Variants in PPP1CA observed in about 807,000 individuals in gnomAD.
The protein encoded by PPP1CA is serine/threonine-protein phosphatase PP1-alpha catalytic subunit.
A neutral mutation model predicts 38.5 loss-of-function variants in PPP1CA; 14 were observed. That is an observed-to-expected ratio of 0.36 (90% CI 0.24 to 0.57). PPP1CA has a LOEUF of 0.57. PPP1CA is among the 20% of genes least tolerant of loss of function. The pLI, the probability that PPP1CA is intolerant of heterozygous loss-of-function variation, is 0.80. For synonymous variants in PPP1CA, 200 were observed against 177.3 expected (o/e 1.13, Z -1.02); for missense variants, 277 against 435.2 (o/e 0.64, Z 3.23).
intron 2 of PPP1CA, 53 bp downstream of exon 2, chr11:67,401,015 T>TG: frequency 6.2e-7 from 1 of 1,610,364 alleles, no homozygotes; most frequent in Admixed American, 1.7e-5. Context: ...AGGAACTCTG[T>TG]GGGGTCCAGT....
Position 67,398,569 on chromosome 11 carries a change from G to GTGA in PPP1CA, c.956_958dup (p.Ile319dup). On this transcript the variant is annotated inframe_insertion, in exon 7 of 7. Transcript: ENST00000376745. ...GGCTTTGGCGGAATTGCGGGGTGGG[G>GTGA]TGATGGGTCGGCCTCCAGGGTTCAG... 6.2e-7 allele frequency: 1 copy of GTGA among 1,614,096 alleles called. No individual in the cohort carries two copies. The highest frequency in any genetic ancestry group is 8.5e-7 in the Non-Finnish European group (1 of 1,179,988).
At chr11:67,400,668 C>G (rs759582381) in intron 3 of PPP1CA, 21 bp downstream of exon 3, 8 of 1,611,394 alleles carry the variant, frequency 5.0e-6, no homozygotes. Flanking sequence ...CCGGGCAGCC[C>G]CAGACGCTCA....
rs746488025 is a variant in PPP1CA, at chr11:67,399,523, G to A, written c.523+38C>T. The A allele has an allele frequency of 6.3e-6, 10 of 1,578,666 alleles. No homozygotes were observed. The Admixed American group carries it at 8.4e-5, about 13-fold the overall frequency. On this transcript the variant is annotated intron_variant, in intron 4 of 6. Transcript: ENST00000376745. Reference sequence around the variant, plus strand: ...AGAGCTGCCGGGTGCTGAGGGATGCGGCCAGTGCTCCTCCTCCCCAGCCAT... The same window carrying A: ...AGAGCTGCCGGGTGCTGAGGGATGCAGCCAGTGCTCCTCCTCCCCAGCCAT...
At chr11:67,401,648 G>A in intron 1 of PPP1CA, 80 bp downstream of exon 1, 2 of 1,193,966 alleles carry the variant, frequency 1.7e-6, no homozygotes, top group Non-Finnish European at 1.1e-6. Flanking sequence ...GCTGGCCCCG[G>A]GGGCCCGCCC....
rs991995974 is a variant in PPP1CA at position 67,401,627 on chromosome 11, G to A, written c.55+101C>T. 18 of 1,072,428 alleles carry A rather than the reference G, an allele frequency of 1.7e-5. No individual in the cohort carries two copies. The African/African-American group carries it at 3.0e-4, about 18-fold the overall frequency. 66.4% of individuals were successfully genotyped at this position (1,072,428 alleles called of 1,614,324 possible). A position where few individuals can be genotyped will look rare whatever the true frequency, so the allele number is the denominator to read the frequency against. Reference sequence around the variant, plus strand: ...CCACGGAACCTCGCTGCCCGTCCCCGCCCAGTCTAAGCTGGCCCCGGGGGC... The same window carrying A: ...CCACGGAACCTCGCTGCCCGTCCCCACCCAGTCTAAGCTGGCCCCGGGGGC... On this transcript the variant is annotated intron_variant, in intron 1 of 6. Coordinates refer to ENST00000376745, the MANE Select transcript of PPP1CA (RefSeq NM_002708.4).
rs868071002 is a variant in PPP1CA, at chr11:67,398,374, G to C, written c.*161C>G. ...AGGAAGCAGCCCTGGGGGACTGGAC[G>C]CTGCTATTGATTCATTAAAAAAAGA... On this transcript the variant is annotated 3_prime_UTR_variant, in exon 7 of 7. Transcript: ENST00000376745. The C allele has an allele frequency of 1.4e-6, 1 of 713,886 alleles. No individual in the cohort carries two copies. The highest frequency in any genetic ancestry group is 2.3e-6 in the Non-Finnish European group (1 of 441,292). The allele number at this position is 713,886 out of a possible 1,614,324, so 44.2% of individuals were successfully genotyped here. A position where few individuals can be genotyped will look rare whatever the true frequency, so the allele number is the denominator to read the frequency against.
intron 3 of PPP1CA, among the ~76,000 whole-genome samples, chr11:67,399,902 G>A (rs1296368449): frequency 1.3e-5 from 2 of 152,178 alleles, no homozygotes; most frequent in African/African-American, 2.4e-5. Context: ...TTGGGAGGCC[G>A]AGGCGGGCGG....
At chr11:67,400,104 T>G (rs1219811182) in intron 3 of PPP1CA, among the ~76,000 whole-genome samples, 1 of 152,170 alleles carries the variant, frequency 6.6e-6, no homozygotes, top group Non-Finnish European at 1.5e-5. Context: ...ACCATTGCAC[T>G]CTAGCCTGGG....
At chr11:67,401,351 G>A in intron 1 of PPP1CA, 152 bp from the exon 2 acceptor site, 2 of 1,333,398 alleles carry the variant, frequency 1.5e-6, no homozygotes, top group Admixed American at 2.3e-5. Context: ...CCGGGACCGC[G>A]GCCTCAAGCC....
rs1862800805 is a variant in PPP1CA at position 67,398,657 on chromosome 11, A to G, written c.883-12T>C. On this transcript the variant is annotated splice_polypyrimidine_tract_variant and intron_variant, in intron 6 of 6. Coordinates refer to ENST00000376745, the MANE Select transcript of PPP1CA (RefSeq NM_002708.4). ...GCGGGCTTGAGGATCTAAAAGAGAC[A>G]GTGTTGGTCAGGCTCATGGGGCTGA... 6.2e-7 allele frequency: 1 copy of G among 1,613,868 alleles called. No individual in the cohort carries two copies. The highest frequency in any genetic ancestry group is 1.7e-5 in the Admixed American group (1 of 60,004).
intron 3 of PPP1CA, 67 bp downstream of exon 3, chr11:67,400,622 A>T: frequency 6.9e-7 from 1 of 1,444,300 alleles, no homozygotes; most frequent in Non-Finnish European, 9.7e-7. Flanking sequence ...GCCAATGTGA[A>T]GGTCCCACTG....
At chr11:67,400,587 C>CG in intron 3 of PPP1CA, 102 bp downstream of exon 3, 2 of 1,182,486 alleles carry the variant, frequency 1.7e-6, no homozygotes, top group Non-Finnish European at 2.5e-6. Context: ...AGCGCACAGT[C>CG]TATCAAGTGT....
Position 67,398,647 on chromosome 11 carries a change from TA to T in PPP1CA, c.883-3del. On this transcript the variant is annotated splice_polypyrimidine_tract_variant and splice_region_variant and intron_variant, in intron 6 of 6. Transcript: ENST00000376745. ...GTTCTTGTCGGCGGGCTTGAGGATC[TA>T]AAAGAGACAGTGTTGGTCAGGCTCA... 1 of 1,614,030 alleles carries T rather than the reference TA, an allele frequency of 6.2e-7. No individual in the cohort carries two copies. Among genetic ancestry groups the T allele is most frequent in the South Asian group, 1.1e-5 (1 of 91,074 alleles).
Position 67,399,574 on chromosome 11 carries a change from G to T in PPP1CA, c.510C>A (p.Phe170Leu), listed in dbSNP as rs1397627501. The change falls in exon 4 of 7, where the codon TTC becomes TTA. Residue 170 changes from phenylalanine to leucine, a missense_variant. Phe to Leu is a conservative substitution (Grantham distance 22). Coordinates refer to ENST00000376745, the MANE Select transcript of PPP1CA (RefSeq NM_002708.4). ...PIAAIVDEKI[F>L]CCHGGLSPDL... Reference sequence around the variant, plus strand: ...CCCCTCCCTCACCTCCGTGGCAGCAGAAGATCTTTTCGTCCACTATGGCCG... The same window carrying T: ...CCCCTCCCTCACCTCCGTGGCAGCATAAGATCTTTTCGTCCACTATGGCCG... 6.2e-7 allele frequency: 1 copy of T among 1,613,938 alleles called. No homozygotes were observed. The highest frequency in any genetic ancestry group is 1.3e-5 in the African/African-American group (1 of 74,940).
chr11:67,401,148 C>T lies in PPP1CA; in HGVS notation c.107G>A (p.Arg36His). 6.2e-7 allele frequency: 1 copy of T among 1,613,976 alleles called. No individual in the cohort carries two copies. The highest frequency in any genetic ancestry group is 8.5e-7 in the Non-Finnish European group (1 of 1,180,004). ...KNVQLTENEI[R>H]GLCLKSREIF... Reference sequence around the variant, plus strand: ...CTCCCGGGATTTCAGGCACAGACCGCGGATCTCGTTCTCTGTCAGCTGTAC... The same window carrying T: ...CTCCCGGGATTTCAGGCACAGACCGTGGATCTCGTTCTCTGTCAGCTGTAC... The change falls in exon 2 of 7, where the codon CGC (arginine) becomes CAC (histidine). Residue 36 changes from arginine to histidine, a missense_variant. Transcript: ENST00000376745.
chr11:67,400,681 C>A lies in PPP1CA; in HGVS notation c.418+8G>T. Reference sequence around the variant, plus strand: ...ACCCGGGCAGCCCCAGACGCTCAGACCACTCACACTCATCGTAGAAACCAT... The same window carrying A: ...ACCCGGGCAGCCCCAGACGCTCAGAACACTCACACTCATCGTAGAAACCAT... On this transcript the variant is annotated splice_region_variant and intron_variant, in intron 3 of 6. Transcript: ENST00000376745. 1 of 1,613,360 alleles carries A rather than the reference C, an allele frequency of 6.2e-7. No individual in the cohort carries two copies. The highest frequency in any genetic ancestry group is 8.5e-7 in the Non-Finnish European group (1 of 1,179,794).
rs943825563 is a variant in PPP1CA at position 67,401,757 on chromosome 11, A to C, written c.26T>G (p.Leu9Arg). ...CAGCAGGCGCCCGATGATCGAGTCC[A>C]GGTTGAGCTTCTCGCTGTCGGACAT... MSDSEKLN[L>R]DSIIGRLLEV... The change falls in exon 1 of 7, where the codon CTG (leucine) becomes CGG (arginine). Residue 9 changes from leucine (L) to arginine (R), a missense_variant. By Grantham distance (102) the Leu-to-Arg change is moderately radical (BLOSUM62 -2). This residue lies in a region of PPP1CA where 44 missense variants were observed against 27.4 expected (regional missense o/e 1.60). Coordinates refer to ENST00000376745, the MANE Select transcript of PPP1CA (RefSeq NM_002708.4). 1 of 1,474,966 alleles carries C rather than the reference A, an allele frequency of 6.8e-7. No homozygotes were observed. The highest frequency in any genetic ancestry group is 1.5e-5 in the African/African-American group (1 of 68,628). The allele number at this position is 1,474,966 out of a possible 1,614,324, so 91.4% of individuals were successfully genotyped here.
Position 67,401,784 on chromosome 11 carries a change from G to A in PPP1CA, c.-2C>T, listed in dbSNP as rs1862897992. 2 of 1,469,314 alleles carry A rather than the reference G, an allele frequency of 1.4e-6. No homozygotes were observed. Among genetic ancestry groups the A allele is most frequent in the African/African-American group, 1.5e-5 (1 of 68,948 alleles). The allele number at this position is 1,469,314 out of a possible 1,614,324, so 91.0% of individuals were successfully genotyped here. On this transcript the variant is annotated 5_prime_UTR_variant, in exon 1 of 7. Transcript: ENST00000376745. ...GTTGAGCTTCTCGCTGTCGGACATG[G>A]CGGCGCCGCCGCTCCAGCCCAGCAG... is the stretch of plus-strand genomic sequence containing the variant.
chr11:67,400,646 G>A (rs367849553), intron 3 of PPP1CA, 43 bp downstream of exon 3: 14 of 1,564,010 alleles, frequency 9.0e-6, no homozygotes, highest in Non-Finnish European at 1.1e-5. Flanking sequence ...GGCAAAGAGT[G>A]CGGTTCAGGA....
Sources: gnomAD v4.1 joint callset for allele counts (sites outside exome capture counted in the v4.1 genomes callset) on GRCh38, gnomAD v4.1.1 for gene constraint, gnomAD v4.1.1 regional missense constraint, MANE v1.5 for transcripts, NCBI Gene and HGNC (gene_info 2026-07-23, HGNC 2026-07-21) for gene names.